Variants in PUM2 observed in about 807,000 individuals in gnomAD.
The protein encoded by PUM2 is pumilio homolog 2.
In PUM2, 57 loss-of-function variants were observed where a neutral mutation model predicts 124.5. That is an observed-to-expected ratio of 0.46 (90% confidence interval 0.37 to 0.57). The LOEUF (loss-of-function observed/expected upper bound fraction) is 0.57, where lower values mean the gene tolerates loss of function less well. PUM2 is among the 20% of genes least tolerant of loss of function. The pLI is 0.00. For synonymous variants in PUM2, 460 were observed against 446.1 expected, an observed-to-expected ratio of 1.03 and a Z score of -0.39; for missense variants, 1,065 against 1,290.6, an observed-to-expected ratio of 0.83 and a Z score of 2.68.
intron 1 of PUM2, 73 bp from the exon 2 acceptor site, chr2:20,327,451 T>C: frequency 5.5e-6 from 5 of 910,280 alleles, no homozygotes; most frequent in Non-Finnish European, 8.5e-6. Flanking sequence ...TTTTATATTA[T>C]ATTGCTGCTA....
In PUM2 at chr2:20,350,487, C is replaced by T. The variant is rs1023844381; in HGVS notation, c.-19+110G>A. On this transcript the variant is annotated intron_variant, in intron 1 of 20. Coordinates refer to ENST00000361078, the MANE Select transcript of PUM2 (RefSeq NM_015317.5). Reference sequence around the variant, plus strand: ...GGCCCGGGCACTCAGCAGGCCCTATCCGCCCTCCCGCTGGCGATCGGCTCC... The same window carrying T: ...GGCCCGGGCACTCAGCAGGCCCTATTCGCCCTCCCGCTGGCGATCGGCTCC... The T allele has an allele frequency of 1.1e-4, 105 of 985,550 alleles. No individual in the cohort carries two copies. The African/African-American group carries it at 1.7e-3, about 16-fold the overall frequency. The allele number at this position is 985,550 out of a possible 1,614,324, so 61.1% of individuals were successfully genotyped here.
At chr2:20,341,376 A>G (rs920155516) in intron 1 of PUM2, among the ~76,000 whole-genome samples, 1 of 152,244 alleles carries the variant, frequency 6.6e-6, no homozygotes, top group Admixed American at 6.5e-5. Flanking sequence ...GAGCCAGTAC[A>G]AAAATTACAA....
intron 10 of PUM2, among the ~76,000 whole-genome samples, chr2:20,286,674 T>C (rs1209127984): frequency 1.3e-5 from 2 of 152,202 alleles, no homozygotes; most frequent in Non-Finnish European, 2.9e-5. Flanking sequence ...TTTTATTATT[T>C]GCTTCCTTCT....
intron 13 of PUM2, 113 bp downstream of exon 13, chr2:20,278,470 G>T: frequency 2.1e-6 from 2 of 932,686 alleles, no homozygotes; most frequent in African/African-American, 1.7e-5. Flanking sequence ...AAAAGCAAAA[G>T]CAATTTGGCA....
chr2:20,308,755 T>C (rs1678938368), intron 5 of PUM2, among the ~76,000 whole-genome samples, 171 bp from the exon 6 acceptor site: 1 of 152,184 alleles, frequency 6.6e-6, no homozygotes, highest in South Asian at 2.1e-4. Context: ...AACTTTCCTC[T>C]TAACAGCTGG....
intron 3 of PUM2, among the ~76,000 whole-genome samples, chr2:20,317,213 G>A (rs533895506): frequency 1.3e-5 from 2 of 151,706 alleles, no homozygotes; most frequent in African/African-American, 4.8e-5. Flanking sequence ...AAAAAAAAAA[G>A]CATTTAACTA....
At chr2:20,342,283 G>GTGCT (rs1488401752) in intron 1 of PUM2, among the ~76,000 whole-genome samples, 1 of 152,178 alleles carries the variant, frequency 6.6e-6, no homozygotes, top group Non-Finnish European at 1.5e-5. Context: ...TTTCCTAAGT[G>GTGCT]TGCTCCTTAT....
At chr2:20,273,343 G>A (rs187451284) in intron 13 of PUM2, among the ~76,000 whole-genome samples, 1 of 152,114 alleles carries the variant, frequency 6.6e-6, no homozygotes, top group African/African-American at 2.4e-5. Flanking sequence ...TCTACTACGA[G>A]GCATTTTAAA....
At chr2:20,307,952 C>G in intron 7 of PUM2, 26 bp downstream of exon 7, 3 of 1,591,326 alleles carry the variant, frequency 1.9e-6, no homozygotes, top group Non-Finnish European at 2.6e-6. Flanking sequence ...AGACTTTGGT[C>G]AAAATGAGAA....
chr2:20,316,710 C>A (rs559194725), intron 3 of PUM2, among the ~76,000 whole-genome samples: 92 of 152,036 alleles, frequency 6.1e-4, no homozygotes, highest in Non-Finnish European at 1.1e-3. Flanking sequence ...CATAGTGAGA[C>A]CCCCATCTCT....
At chr2:20,325,317 C>T (rs186219343) in intron 2 of PUM2, among the ~76,000 whole-genome samples, 128 of 152,260 alleles carry the variant, frequency 8.4e-4, no homozygotes, top group Non-Finnish European at 1.6e-3. Flanking sequence ...CTGCTATCCA[C>T]CAGGTAGCAG....
chr2:20,269,649 G>A (rs952776523), intron 13 of PUM2, among the ~76,000 whole-genome samples: 11 of 152,034 alleles, frequency 7.2e-5, no homozygotes, highest in African/African-American at 2.2e-4. Context: ...CATGTCAAAC[G>A]TACTACCTTA....
intron 12 of PUM2, 48 bp downstream of exon 12, chr2:20,282,899 A>T: frequency 6.4e-7 from 1 of 1,556,802 alleles, no homozygotes; most frequent in Non-Finnish European, 8.8e-7. Flanking sequence ...ACACACTCAT[A>T]TACCTCTTCC....
chr2:20,260,514 T>A, intron 14 of PUM2, 48 bp from the exon 15 acceptor site: 3 of 1,489,322 alleles, frequency 2.0e-6, no homozygotes, highest in Non-Finnish European at 2.8e-6. Context: ...TTAATACACT[T>A]GAGTATTACA....
At chr2:20,290,339 A>AT (rs1358166307) in intron 10 of PUM2, among the ~76,000 whole-genome samples, 1 of 152,218 alleles carries the variant, frequency 6.6e-6, no homozygotes, top group East Asian at 1.9e-4. Flanking sequence ...CCAACTCTCA[A>AT]TAACTGTTTT....
At chr2:20,287,872 T>G (rs1043048849) in intron 10 of PUM2, among the ~76,000 whole-genome samples, 1 of 152,164 alleles carries the variant, frequency 6.6e-6, no homozygotes, top group Non-Finnish European at 1.5e-5. Context: ...AGGTAAACAG[T>G]AGACAGGAAA....
intron 14 of PUM2, 110 bp downstream of exon 14, chr2:20,263,083 T>G (rs1264658200): frequency 1.8e-5 from 18 of 1,016,202 alleles, no homozygotes; most frequent in Non-Finnish European, 1.1e-5. Context: ...GAATTTTAGC[T>G]CTTAAAAGCT....
rs1046237462 is a variant in PUM2 at position 20,308,247 on chromosome 2, C to T, written c.789+67G>A. The stretch of plus-strand genomic sequence containing the variant: ...ACCCCTACCATTCTTTTCAATGCCA[C>T]ATAGCACTTCAGGCTAAACCAGTAT... On this transcript the variant is annotated intron_variant, in intron 6 of 20. Transcript: ENST00000361078. 4.5e-6 allele frequency: 7 copies of T among 1,539,980 alleles called. No homozygotes were observed. In the African/African-American group the frequency reaches 9.7e-5, roughly 21 times the overall value.
intron 3 of PUM2, among the ~76,000 whole-genome samples, chr2:20,315,432 T>G (rs187298598): frequency 2.0e-5 from 3 of 152,282 alleles, no homozygotes; most frequent in Admixed American, 6.5e-5. Flanking sequence ...CATATTTTTA[T>G]GTGTCTGGCA....
Sources: allele counts gnomAD v4.1 joint callset (sites outside exome capture counted in the v4.1 genomes callset), GRCh38; gene constraint gnomAD v4.1.1; transcripts MANE v1.5; gene names NCBI Gene and HGNC (gene_info 2026-07-23, HGNC 2026-07-21).